The following ROCK1 variants were observed in gnomAD, a reference collection of about 807,000 sequenced individuals.
ROCK1 encodes Rho associated coiled-coil containing protein kinase 1, also known as rho-associated protein kinase 1.
A neutral mutation model predicts 196.8 loss-of-function variants in ROCK1; 36 were observed. The observed-to-expected ratio is 0.18, with a 90% CI of 0.14 to 0.24. ROCK1 has a LOEUF of 0.24. ROCK1 is among the 10% of genes least tolerant of loss of function. The probability of loss-of-function intolerance (pLI) is 1.00; values close to 1 mark genes in which losing one functional copy is unlikely to be tolerated. For synonymous variants in ROCK1, 443 were observed against 515.9 expected, an observed-to-expected ratio of 0.86 and a Z score of 1.91; for missense variants, 920 against 1,562.0, an observed-to-expected ratio of 0.59 and a Z score of 6.93.
At chr18:21,081,955 T>C (rs1268499757) in intron 1 of ROCK1, among the ~76,000 whole-genome samples, 11 of 152,168 alleles carry the variant, frequency 7.2e-5, no homozygotes, top group Admixed American at 3.9e-4. Context: ...TATTTGTTTG[T>C]TTTTTCCTTT....
chr18:20,957,600 C>G (rs1412494622), intron 29 of ROCK1, among the ~76,000 whole-genome samples: 1 of 152,066 alleles, frequency 6.6e-6, no homozygotes, highest in African/African-American at 2.4e-5. Context: ...CCTGCCTCAG[C>G]CTCCCGAGTA....
intron 1 of ROCK1, among the ~76,000 whole-genome samples, chr18:21,080,041 A>G (rs1393111614): frequency 6.6e-6 from 1 of 152,166 alleles, no homozygotes; most frequent in Admixed American, 6.5e-5. Flanking sequence ...GTGAGAACAA[A>G]AGCGTTCTCC....
chr18:21,042,578 G>A lies in ROCK1; in HGVS notation c.807C>T (p.Tyr269=), dbSNP rs56085230. The change falls in exon 7 of 33, where the codon TAC becomes TAT. Residue 269 remains tyrosine, a synonymous_variant. Transcript: ENST00000399799. ...TTCCTTACTCACCTACAAGCATTTC[G>A]TATAAAAATACCCCAACCGACCACC... The part of the protein sequence containing the change: ...CDWWSVGVFL[Y]EMLVGDTPFY... 8.0e-3 allele frequency: 12,862 copies of A among 1,613,496 alleles called. 76 individuals are homozygous for A. The highest frequency in any genetic ancestry group is 0.014 in the Middle Eastern group (83 of 6,058).
At chr18:21,031,326 C>A (rs576287780) in intron 9 of ROCK1, among the ~76,000 whole-genome samples, 1 of 152,138 alleles carries the variant, frequency 6.6e-6, no homozygotes, top group South Asian at 2.1e-4. Flanking sequence ...TAGAAACCAC[C>A]AGGCGTGGTG....
chr18:20,995,835 T>C (rs1012350367), intron 16 of ROCK1, among the ~76,000 whole-genome samples: 1 of 152,202 alleles, frequency 6.6e-6, no homozygotes, highest in African/African-American at 2.4e-5. Flanking sequence ...GCCACAGTAT[T>C]ACTGGGCTTC....
chr18:21,104,634 G>A (rs1366278100), intron 1 of ROCK1, among the ~76,000 whole-genome samples: 3 of 151,948 alleles, frequency 2.0e-5, no homozygotes, highest in African/African-American at 7.3e-5. Context: ...TATCTCAGCC[G>A]TTACTCTGAG....
intron 5 of ROCK1, among the ~76,000 whole-genome samples, chr18:21,044,399 T>C (rs963040452): frequency 3.3e-5 from 5 of 152,308 alleles, no homozygotes; most frequent in African/African-American, 9.6e-5. Flanking sequence ...TATTCCTTTT[T>C]TAAAAGTTTC....
At chr18:21,012,052 T>C (rs904945572) in intron 13 of ROCK1, among the ~76,000 whole-genome samples, 7 of 152,138 alleles carry the variant, frequency 4.6e-5, no homozygotes, top group Non-Finnish European at 8.8e-5. Context: ...AGCAGTTCTC[T>C]AGCCTCAGCC....
chr18:21,082,809 A>T (rs1431798537), intron 1 of ROCK1, among the ~76,000 whole-genome samples: 1 of 152,196 alleles, frequency 6.6e-6, no homozygotes, highest in East Asian at 1.9e-4. Flanking sequence ...TATTCAACTC[A>T]TTATTGGAAG....
chr18:21,046,048 C>T (rs958913228), intron 4 of ROCK1, among the ~76,000 whole-genome samples: 1 of 151,836 alleles, frequency 6.6e-6, no homozygotes, highest in African/African-American at 2.4e-5. Context: ...GGAGCTGGGA[C>T]TACAGGCACC....
Position 20,970,504 on chromosome 18 carries a change from A to G in ROCK1, c.2664T>C (p.Leu888=). The stretch of plus-strand genomic sequence containing the variant: ...TTTCTGCTAGATCCAACTGAGTAGC[A>G]AGAGTTTCTCTGCAACAATTTTTTA... ...IQELQNEKET[L]ATQLDLAETK... The change falls in exon 23 of 33, where the codon CTT becomes CTC. Residue 888 remains leucine, a synonymous_variant. Transcript: ENST00000399799. 6.3e-7 allele frequency: 1 copy of G among 1,597,948 alleles called. No homozygotes were observed.
chr18:20,981,503 T>G (rs1468593311), intron 21 of ROCK1, among the ~76,000 whole-genome samples: 2 of 152,256 alleles, frequency 1.3e-5, no homozygotes, highest in East Asian at 3.8e-4. Flanking sequence ...ACTAAGCTTT[T>G]GCCAACGCCA....
At chr18:21,026,314 C>T (rs925122609) in intron 10 of ROCK1, among the ~76,000 whole-genome samples, 25 of 151,966 alleles carry the variant, frequency 1.6e-4, no homozygotes, top group Admixed American at 1.6e-3. Flanking sequence ...CATGGTGGCA[C>T]ATGCCTGTAA....
intron 1 of ROCK1, among the ~76,000 whole-genome samples, chr18:21,081,713 G>A (rs1173323916): frequency 6.6e-6 from 1 of 152,006 alleles, no homozygotes; most frequent in Non-Finnish European, 1.5e-5. Flanking sequence ...AATTGTAATA[G>A]AATATTATGA....
intron 3 of ROCK1, 128 bp from the exon 4 acceptor site, chr18:21,049,357 T>C: frequency 1.4e-6 from 1 of 722,024 alleles, no homozygotes; most frequent in Non-Finnish European, 2.1e-6. Flanking sequence ...CAGTTATTTT[T>C]ATTTCTTCTC....
In ROCK1 at chr18:21,028,594, C is replaced by A. The variant is rs1598534382; in HGVS notation, c.1211+182G>T. On this transcript the variant is annotated intron_variant, in intron 10 of 32. Coordinates refer to ENST00000399799, the MANE Select transcript of ROCK1 (RefSeq NM_005406.3). Reference sequence around the variant, plus strand: ...CAAAAAAATTTTGAAAAACAATGTCCTAAACATGGATGAGTCCAAGAGAAA... The same window carrying A: ...CAAAAAAATTTTGAAAAACAATGTCATAAACATGGATGAGTCCAAGAGAAA... 2.6e-5 allele frequency among the ~76,000 whole-genome samples: 4 copies of A among 151,896 alleles called. No homozygotes were observed. The East Asian group carries it at 7.7e-4, about 29-fold the overall frequency.
At chr18:20,970,694 G>C (rs1219667046) in intron 22 of ROCK1, among the ~76,000 whole-genome samples, 181 bp from the exon 23 acceptor site, 1 of 152,096 alleles carries the variant, frequency 6.6e-6, no homozygotes, top group Non-Finnish European at 1.5e-5. Flanking sequence ...CTCACATGTT[G>C]AAAAATTATA....
At chr18:20,981,132 C>A (rs533637115) in intron 21 of ROCK1, among the ~76,000 whole-genome samples, 3 of 152,038 alleles carry the variant, frequency 2.0e-5, no homozygotes, top group South Asian at 2.1e-4. Flanking sequence ...CAGTGGCTCA[C>A]GCCTGTAATT....
intron 18 of ROCK1, among the ~76,000 whole-genome samples, chr18:20,990,739 G>A (rs1423272730): frequency 7.0e-6 from 1 of 141,972 alleles, no homozygotes; most frequent in African/African-American, 2.6e-5. Flanking sequence ...TCAAAAGGAA[G>A]GCATCCTCTT....
Sources: allele counts gnomAD v4.1 joint callset (sites outside exome capture counted in the v4.1 genomes callset), GRCh38; gene constraint gnomAD v4.1.1; transcripts MANE v1.5; gene names NCBI Gene and HGNC (gene_info 2026-07-23, HGNC 2026-07-21).